SCAPER: variants seen among roughly 807,000 people sequenced by gnomAD.
The protein encoded by SCAPER is S phase cyclin A-associated protein in the endoplasmic reticulum.
A neutral mutation model predicts 182.2 loss-of-function variants in SCAPER; 98 were observed. That is an observed-to-expected ratio of 0.54 (90% confidence interval 0.46 to 0.64). SCAPER has a LOEUF of 0.64. Ranked by LOEUF, SCAPER falls within the 30% of genes least tolerant of loss-of-function variation. The pLI is 0.00. For missense variants in SCAPER, 1,432 were observed against 1,690.0 expected (o/e 0.85, Z 2.68); for synonymous variants, 605 against 564.6 (o/e 1.07, Z -1.01).
chr15:76,746,094 AAT>A (rs2061778802), intron 15 of SCAPER, among the ~76,000 whole-genome samples: 1 of 152,236 alleles, frequency 6.6e-6, no homozygotes, highest in South Asian at 2.1e-4. Flanking sequence ...AGGGACAAAA[AAT>A]ATAGTGTAAC....
At chr15:76,761,732 C>T (rs137890290) in intron 14 of SCAPER, among the ~76,000 whole-genome samples, 6 of 152,224 alleles carry the variant, frequency 3.9e-5, no homozygotes, top group South Asian at 2.1e-4. Flanking sequence ...ACGTTTCATG[C>T]GCACTTGAGA....
chr15:76,795,534 T>C (rs2065265630), intron 7 of SCAPER, 94 bp from the exon 8 acceptor site: 5 of 919,878 alleles, frequency 5.4e-6, no homozygotes, highest in Non-Finnish European at 7.6e-6. Context: ...ATTATGCATA[T>C]GAATATCCAC....
At chr15:76,536,092 A>G (rs1301124980) in intron 23 of SCAPER, among the ~76,000 whole-genome samples, 1 of 152,254 alleles carries the variant, frequency 6.6e-6, no homozygotes, top group Non-Finnish European at 1.5e-5. Flanking sequence ...TATCTTACAG[A>G]GACTACTTCT....
chr15:76,547,346 G>A (rs1398667447), intron 23 of SCAPER, among the ~76,000 whole-genome samples: 1 of 152,056 alleles, frequency 6.6e-6, no homozygotes, highest in Non-Finnish European at 1.5e-5. Context: ...GGCTTTTCCA[G>A]TTTTCTAAGG....
chr15:76,701,561 TTTTC>T (rs1368625202), intron 20 of SCAPER, among the ~76,000 whole-genome samples, 193 bp downstream of exon 20: 5 of 152,216 alleles, frequency 3.3e-5, no homozygotes. Flanking sequence ...TTAAATTCTT[TTTTC>T]TATCTTTCTT....
chr15:76,792,028 GC>G, intron 8 of SCAPER, among the ~76,000 whole-genome samples: 1 of 145,274 alleles, frequency 6.9e-6, no homozygotes, highest in Non-Finnish European at 1.5e-5. Context: ...CTATCATCTT[GC>G]CAGACAAAAA....
At chr15:76,370,291 A>ATTTTTTTTTTTT (rs10524497) in intron 29 of SCAPER, among the ~76,000 whole-genome samples, 8 of 119,456 alleles carry the variant, frequency 6.7e-5, no homozygotes, top group African/African-American at 1.5e-4. Context: ...TACCATTTCA[A>ATTTTTTTTTTTT]TTTTTTTTTT....
intron 20 of SCAPER, among the ~76,000 whole-genome samples, chr15:76,696,616 T>C (rs2058668526): frequency 6.6e-6 from 1 of 152,160 alleles, no homozygotes. Context: ...TCATTCTACA[T>C]GCTTGCTACA....
Position 76,473,464 on chromosome 15 carries a change from C to G in SCAPER, c.2955-2129G>C, listed in dbSNP as rs191465752. Among the ~76,000 whole-genome samples, 29 of 152,334 alleles carry G rather than the reference C, an allele frequency of 1.9e-4. No homozygotes were observed. In the East Asian group the frequency reaches 5.4e-3, roughly 28 times the overall value. ...TTCCTGGATGTTTTGAATACTGTGA[C>G]TAAAACCTGCATTGCCTGAGTGACC... On this transcript the variant is annotated intron_variant, in intron 24 of 31. Transcript: ENST00000563290.
rs564599559 is a variant in SCAPER at position 76,485,870 on chromosome 15, A to G, written c.2955-14535T>C. 3.9e-5 allele frequency among the ~76,000 whole-genome samples: 6 copies of G among 152,316 alleles called. No homozygotes were observed. The East Asian group carries it at 1.2e-3, about 29-fold the overall frequency. On this transcript the variant is annotated intron_variant, in intron 24 of 31. Transcript: ENST00000563290. ...AAACTGGGCCCCTTCCTTACACCAC[A>G]TGCAAAAATTAACTCGAGATGGATT...
At chr15:76,538,279 T>C (rs1597272575) in intron 23 of SCAPER, among the ~76,000 whole-genome samples, 2 of 149,684 alleles carry the variant, frequency 1.3e-5, no homozygotes, top group Admixed American at 6.7e-5. Context: ...ATGTTTATTG[T>C]GGCACTATTC....
At chr15:76,828,107 T>C (rs2068161989) in intron 5 of SCAPER, among the ~76,000 whole-genome samples, 1 of 152,084 alleles carries the variant, frequency 6.6e-6, no homozygotes. Context: ...TGTCCTATGT[T>C]GTCTTGGGAC....
At chr15:76,744,906 C>T (rs1357464003) in intron 15 of SCAPER, among the ~76,000 whole-genome samples, 2 of 151,856 alleles carry the variant, frequency 1.3e-5, no homozygotes, top group East Asian at 1.9e-4. Context: ...TAGTGCCTAT[C>T]GATAGACTGG....
At chr15:76,732,856 C>T (rs2061003992) in intron 16 of SCAPER, among the ~76,000 whole-genome samples, 1 of 152,144 alleles carries the variant, frequency 6.6e-6, no homozygotes, top group Non-Finnish European at 1.5e-5. Flanking sequence ...GAAATAATGG[C>T]GTAAGCTGTC....
intron 29 of SCAPER, among the ~76,000 whole-genome samples, chr15:76,361,119 C>A (rs1031630081): frequency 4.6e-5 from 7 of 151,812 alleles, no homozygotes; most frequent in African/African-American, 2.4e-5. Context: ...GCAGATTTCA[C>A]ATTTGTAAAA....
intron 25 of SCAPER, among the ~76,000 whole-genome samples, chr15:76,442,904 T>G (rs1313723844): frequency 6.6e-6 from 1 of 152,154 alleles, no homozygotes; most frequent in Non-Finnish European, 1.5e-5. Flanking sequence ...TATGAAGTTA[T>G]TCAAGTAATC....
chr15:76,594,098 C>A (rs1443280375), intron 22 of SCAPER, among the ~76,000 whole-genome samples: 1 of 119,678 alleles, frequency 8.4e-6, no homozygotes, highest in Non-Finnish European at 2.0e-5. Flanking sequence ...AGAGGAATTG[C>A]TAACTAGAAT....
At position 76,467,462 on chromosome 15, in the gene SCAPER, A is replaced by T. The variant is rs2049778653; in HGVS notation, c.3078+3750T>A. On this transcript the variant is annotated intron_variant, in intron 25 of 31. Transcript: ENST00000563290. ...GTGTCTTTTTTTTTTTTTTTTAAAG[A>T]CAGGATCTCACTCTGTTGCTGAGAC... is the stretch of plus-strand genomic sequence containing the variant. Among the ~76,000 whole-genome samples the T allele has an allele frequency of 2.0e-5, 3 of 148,636 alleles. No individual in the cohort carries two copies. The South Asian group carries it at 6.3e-4, about 31-fold the overall frequency.
chr15:76,892,142 C>G (rs1711649621), intron 1 of SCAPER, among the ~76,000 whole-genome samples: 1 of 152,146 alleles, frequency 6.6e-6, no homozygotes, highest in African/African-American at 2.4e-5. Context: ...TGAAAGTGGA[C>G]CCCTTCCTTA....
Sources: allele counts gnomAD v4.1 joint callset (sites outside exome capture counted in the v4.1 genomes callset), GRCh38; gene constraint gnomAD v4.1.1; transcripts MANE v1.5; gene names NCBI Gene and HGNC (gene_info 2026-07-23, HGNC 2026-07-21).